The following EXOC4 variants were observed in gnomAD, a reference collection of about 807,000 sequenced individuals.
EXOC4 encodes SEC8-like 1.
A neutral mutation model predicts 107.2 loss-of-function variants in EXOC4; 71 were observed. That is an observed-to-expected ratio of 0.66 (90% confidence interval 0.55 to 0.81). The LOEUF is 0.81. Among genes scored for constraint, EXOC4 ranks in the 30% least tolerant of loss-of-function variants. EXOC4 has a pLI of 0.00. For synonymous variants in EXOC4, 456 were observed against 441.2 expected (o/e 1.03, Z -0.42); for missense variants, 1,108 against 1,189.6 (o/e 0.93, Z 1.01).
At chr7:133,304,125 C>T (rs1435432797) in intron 3 of EXOC4, among the ~76,000 whole-genome samples, 1 of 152,158 alleles carries the variant, frequency 6.6e-6, no homozygotes, top group Non-Finnish European at 1.5e-5. Flanking sequence ...AATATCTCAG[C>T]TGGATTTAAT....
chr7:133,708,143 A>G (rs10242708), intron 10 of EXOC4, among the ~76,000 whole-genome samples: 2,641 of 152,338 alleles, frequency 0.017, 78 homozygotes, highest in African/African-American at 0.059. Flanking sequence ...AAGCAGAAGT[A>G]TATGACTCCT....
intron 1 of EXOC4, 149 bp from the exon 2 acceptor site, chr7:133,274,833 T>G: frequency 1.5e-6 from 1 of 680,544 alleles, no homozygotes; most frequent in South Asian, 2.5e-5. Context: ...AAGGAAGTTT[T>G]GTGTTTTCTG....
intron 11 of EXOC4, among the ~76,000 whole-genome samples, chr7:133,845,691 C>T (rs1798113101): frequency 6.6e-6 from 1 of 152,016 alleles, no homozygotes; most frequent in African/African-American, 2.4e-5. Context: ...GATACCTGCT[C>T]AGAACTTGGT....
At chr7:133,323,172 C>T (rs2150590044) in intron 5 of EXOC4, among the ~76,000 whole-genome samples, 1 of 152,298 alleles carries the variant, frequency 6.6e-6, no homozygotes. Context: ...GACAATTGGA[C>T]TTCCTCTTTT....
At chr7:134,014,925 G>T (rs775779747) in intron 17 of EXOC4, among the ~76,000 whole-genome samples, 4 of 152,188 alleles carry the variant, frequency 2.6e-5, no homozygotes, top group Non-Finnish European at 2.9e-5. Context: ...TCATTTTTTA[G>T]TTTCCCTAAT....
At chr7:133,518,058 G>A (rs921010947) in intron 9 of EXOC4, among the ~76,000 whole-genome samples, 39 of 151,892 alleles carry the variant, frequency 2.6e-4, no homozygotes, top group African/African-American at 9.4e-4. Context: ...CTTCTTCTCT[G>A]CATTGGTTTT....
At chr7:133,497,137 A>G (rs1016230727) in intron 9 of EXOC4, among the ~76,000 whole-genome samples, 6 of 152,190 alleles carry the variant, frequency 3.9e-5, no homozygotes, top group South Asian at 2.1e-4. Flanking sequence ...AGCTAGGAGC[A>G]GGTCCCTATG....
chr7:133,727,229 T>C (rs775863219), intron 10 of EXOC4: 1 of 152,414 alleles, frequency 6.6e-6, no homozygotes, highest in Non-Finnish European at 1.5e-5. Flanking sequence ...CATAAGAATA[T>C]TCCCTGCCTA....
At chr7:133,288,481 A>G (rs1334316379) in intron 2 of EXOC4, among the ~76,000 whole-genome samples, 2 of 152,134 alleles carry the variant, frequency 1.3e-5, no homozygotes, top group East Asian at 3.9e-4. Flanking sequence ...CTTGGTTTTA[A>G]ACTTTAGCTG....
chr7:133,922,730 C>T (rs901915509), intron 13 of EXOC4, among the ~76,000 whole-genome samples: 1 of 151,910 alleles, frequency 6.6e-6, no homozygotes, highest in Non-Finnish European at 1.5e-5. Flanking sequence ...TGCCTGTAGT[C>T]CCCAGCTACT....
rs534056041 is a variant in EXOC4 at position 133,881,040 on chromosome 7, T to G, written c.1735-14559T>G. On this transcript the variant is annotated intron_variant, in intron 11 of 17. Coordinates refer to ENST00000253861, the MANE Select transcript of EXOC4 (RefSeq NM_021807.4). ...GTTATATAAGTATATTCATCTTTTC[T>G]GAACAGTGAAACTTTTTGAAATTAT... Among the ~76,000 whole-genome samples, 24 of 152,334 alleles carry G rather than the reference T, an allele frequency of 1.6e-4. No homozygotes were observed. In the East Asian group the frequency reaches 4.4e-3, roughly 28 times the overall value.
chr7:133,480,765 G>A (rs1195141169), intron 9 of EXOC4: 1 of 152,052 alleles, frequency 6.6e-6, no homozygotes, highest in Non-Finnish European at 1.5e-5. Context: ...GTTAAGAAAG[G>A]TTTGGAGGTC....
At chr7:133,889,123 G>A (rs1799150042) in intron 11 of EXOC4, among the ~76,000 whole-genome samples, 2 of 152,102 alleles carry the variant, frequency 1.3e-5, no homozygotes, top group South Asian at 4.1e-4. Flanking sequence ...ATCATGGAAG[G>A]TTTTTTCTTT....
intron 14 of EXOC4, among the ~76,000 whole-genome samples, chr7:133,945,659 T>C (rs977090372): frequency 2.1e-4 from 32 of 152,212 alleles, no homozygotes; most frequent in African/African-American, 7.7e-4. Context: ...AGATATGTCA[T>C]TGAAAATAAA....
chr7:133,595,050 G>A (rs1475453885), intron 9 of EXOC4, among the ~76,000 whole-genome samples: 1 of 152,110 alleles, frequency 6.6e-6, no homozygotes, highest in Non-Finnish European at 1.5e-5. Context: ...CAGGGGTGGA[G>A]GAAGTTGTTG....
At chr7:133,555,069 G>C (rs1290271313) in intron 9 of EXOC4, among the ~76,000 whole-genome samples, 2 of 152,194 alleles carry the variant, frequency 1.3e-5, no homozygotes, top group Non-Finnish European at 2.9e-5. Context: ...GCCTGGGCAA[G>C]TTATTTATCT....
At chr7:133,516,118 C>G (rs1799870647) in intron 9 of EXOC4, among the ~76,000 whole-genome samples, 1 of 152,184 alleles carries the variant, frequency 6.6e-6, no homozygotes, top group South Asian at 2.1e-4. Flanking sequence ...ACAGTCTTAG[C>G]AACTGTGTCA....
At chr7:133,494,580 T>A (rs894133123) in intron 9 of EXOC4, among the ~76,000 whole-genome samples, 17 of 152,244 alleles carry the variant, frequency 1.1e-4, no homozygotes, top group African/African-American at 4.1e-4. Context: ...AATCATTTTT[T>A]AAAATTTCTC....
chr7:133,381,085 A>T, intron 7 of EXOC4, among the ~76,000 whole-genome samples: 1 of 152,030 alleles, frequency 6.6e-6, no homozygotes, highest in East Asian at 1.9e-4. Context: ...TATGTATTCT[A>T]CTCATCTTTA....
Sources: allele counts gnomAD v4.1 joint callset (sites outside exome capture counted in the v4.1 genomes callset), GRCh38; gene constraint gnomAD v4.1.1; transcripts MANE v1.5; gene names NCBI Gene and HGNC (gene_info 2026-07-23, HGNC 2026-07-21).